Variants in NREP observed in about 807,000 individuals in gnomAD.
The protein encoded by NREP is neuronal regeneration-related protein.
NREP carries 5 observed loss-of-function variants against 8.6 expected under a neutral mutation model. The observed-to-expected ratio is 0.58, with a 90% CI of 0.30 to 1.22. The LOEUF (loss-of-function observed/expected upper bound fraction) is 1.22. Among genes scored for constraint, NREP ranks in the 50% most tolerant of loss-of-function variants. The pLI is 0.07. For missense variants in NREP, 86 were observed against 82.5 expected (o/e 1.04, Z -0.17); for synonymous variants, 27 against 28.0 (o/e 0.96, Z 0.11).
chr5:111,964,879 A>T (rs928229995), intron 2 of NREP, among the ~76,000 whole-genome samples: 51 of 144,704 alleles, frequency 3.5e-4, no homozygotes, highest in Non-Finnish European at 6.0e-4. Flanking sequence ...AAAAAAAAAA[A>T]AAAAAAAAAA....
intron 2 of NREP, among the ~76,000 whole-genome samples, chr5:111,926,498 A>G (rs1755389713): frequency 6.6e-6 from 1 of 152,094 alleles, no homozygotes; most frequent in Non-Finnish European, 1.5e-5. Context: ...CCTTCCATCT[A>G]CAGAAAAGAT....
At chr5:111,740,503 G>C (rs1749555992) in intron 2 of NREP, among the ~76,000 whole-genome samples, 1 of 151,858 alleles carries the variant, frequency 6.6e-6, no homozygotes, top group Non-Finnish European at 1.5e-5. Flanking sequence ...TCTTTGGACA[G>C]TGCATCATGA....
chr5:111,729,010 G>A (rs576227025), downstream of NREP: 1 of 151,992 alleles, frequency 6.6e-6, no homozygotes, highest in East Asian at 1.9e-4. Flanking sequence ...AAGCGTATGG[G>A]AATGCCTTGG....
chr5:111,928,166 T>C (rs889606986), intron 2 of NREP, among the ~76,000 whole-genome samples: 38 of 120,126 alleles, frequency 3.2e-4, no homozygotes, highest in Non-Finnish European at 8.4e-5. Context: ...GTATTTTTGC[T>C]CATATATCCC....
intron 2 of NREP, among the ~76,000 whole-genome samples, chr5:111,944,547 G>C (rs1448189094): frequency 2.6e-5 from 4 of 152,078 alleles, no homozygotes; most frequent in Non-Finnish European, 5.9e-5. Context: ...AGCTCAAGCA[G>C]TCCACAGCCT....
In NREP at chr5:111,794,490, G is replaced by A. The variant is rs1349212148; in HGVS notation, c.136-58983C>T. Among the ~76,000 whole-genome samples the A allele has an allele frequency of 2.6e-5, 4 of 152,274 alleles. No homozygotes were observed. In the East Asian group the frequency reaches 5.8e-4, roughly 22 times the overall value. On this transcript the variant is annotated intron_variant, in intron 2 of 3. Transcript: ENST00000395634. ...TATCCAGACAATGGAATATTATCCC[G>A]TGTTAATAAGAAATTAGTTCTTCAA...
chr5:111,804,986 G>A (rs903780125), intron 2 of NREP, among the ~76,000 whole-genome samples: 1 of 139,426 alleles, frequency 7.2e-6, no homozygotes, highest in African/African-American at 2.7e-5. Context: ...GGGCGACAGA[G>A]CGAGACTCCG....
chr5:111,865,121 C>T (rs1016878798), intron 2 of NREP, among the ~76,000 whole-genome samples: 2 of 152,106 alleles, frequency 1.3e-5, no homozygotes, highest in South Asian at 4.1e-4. Flanking sequence ...TGTGAAGGAC[C>T]ACTACAGTTC....
intron 2 of NREP, chr5:111,755,509 A>T (rs989153639): frequency 1.0e-5 from 5 of 479,024 alleles, no homozygotes; most frequent in African/African-American, 1.9e-5. Context: ...TGTTGTTCAA[A>T]TTAAATAAAT....
Position 111,932,663 on chromosome 5 carries a change from C to G in NREP, c.135+42611G>C, listed in dbSNP as rs141725617. Among the ~76,000 whole-genome samples the G allele has an allele frequency of 9.4e-4, 143 of 152,124 alleles. 2 individuals are homozygous for G. The highest frequency in any genetic ancestry group is 3.3e-3 in the African/African-American group (138 of 41,526). On this transcript the variant is annotated intron_variant, in intron 2 of 3. Coordinates refer to the NREP transcript ENST00000395634. ...CTGCAGGAAAATGTTTCATCTGAAA[C>G]ATTTGGTATAAATAAAAAACTTACA...
At chr5:111,869,400 C>A (rs1488653370) in intron 2 of NREP, among the ~76,000 whole-genome samples, 1 of 152,036 alleles carries the variant, frequency 6.6e-6, no homozygotes, top group Non-Finnish European at 1.5e-5. Flanking sequence ...AAGGACTTTC[C>A]AAAATTAGTT....
In NREP at chr5:111,971,115, G is replaced by A. The variant is rs138065587; in HGVS notation, c.135+4159C>T. On this transcript the variant is annotated intron_variant, in intron 2 of 3. Transcript: ENST00000395634. ...TTTACACAGGAATTCAATAGATTAT[G>A]CTTTGAGAAACAATCTCTAAAGGAT... Among the ~76,000 whole-genome samples the A allele has an allele frequency of 4.3e-3, 650 of 152,284 alleles. 10 individuals carry two copies. Among genetic ancestry groups the A allele is most frequent in the African/African-American group, 0.015 (618 of 41,558 alleles).
chr5:111,876,940 T>A (rs1032756714), intron 2 of NREP, among the ~76,000 whole-genome samples: 11 of 152,250 alleles, frequency 7.2e-5, no homozygotes, highest in Admixed American at 5.9e-4. Flanking sequence ...AGAATCAGAA[T>A]GTAAACCCAG....
intron 2 of NREP, among the ~76,000 whole-genome samples, chr5:111,849,877 T>C (rs1039815781): frequency 3.9e-5 from 6 of 152,046 alleles, no homozygotes; most frequent in Non-Finnish European, 7.4e-5. Flanking sequence ...TGAATAAAAA[T>C]GTATGCAAGA....
intron 2 of NREP, among the ~76,000 whole-genome samples, chr5:111,913,836 G>A (rs1173180597): frequency 6.6e-6 from 1 of 152,094 alleles, no homozygotes; most frequent in Non-Finnish European, 1.5e-5. Context: ...AAGTAGAAGA[G>A]AATTCCACCC....
In NREP at chr5:111,844,774, A is replaced by C. The variant is rs1753118145; in HGVS notation, c.136-109267T>G. Among the ~76,000 whole-genome samples, 4 of 149,778 alleles carry C rather than the reference A, an allele frequency of 2.7e-5. No homozygotes were observed. The South Asian group carries it at 8.4e-4, about 31-fold the overall frequency. ...TTACTTTTGAAATTTCTGCTCTCAA[A>C]TTAACTATGTTTCTGGAGATAAAAT... On this transcript the variant is annotated intron_variant, in intron 2 of 3. Transcript: ENST00000395634.
intron 2 of NREP, among the ~76,000 whole-genome samples, chr5:111,892,306 C>G (rs935443219): frequency 1.3e-5 from 2 of 152,038 alleles, no homozygotes; most frequent in Non-Finnish European, 2.9e-5. Context: ...ACAATGTGCT[C>G]TGCTCATGGT....
intron 2 of NREP, among the ~76,000 whole-genome samples, chr5:111,765,272 G>A (rs1374631191): frequency 6.6e-6 from 1 of 152,152 alleles, no homozygotes; most frequent in East Asian, 1.9e-4. Context: ...GATCTGACAG[G>A]AGGCAGAGCT....
chr5:111,790,712 T>C (rs1200154185), intron 2 of NREP, among the ~76,000 whole-genome samples: 2 of 152,232 alleles, frequency 1.3e-5, no homozygotes, highest in East Asian at 3.8e-4. Flanking sequence ...GAGCCATATA[T>C]TGAAACACAA....
Sources: allele counts gnomAD v4.1 joint callset (sites outside exome capture counted in the v4.1 genomes callset), GRCh38; gene constraint gnomAD v4.1.1; transcripts MANE v1.5; gene names NCBI Gene and HGNC (gene_info 2026-07-23, HGNC 2026-07-21).